CACNA1B: variants seen among roughly 807,000 people sequenced by gnomAD.
CACNA1B encodes calcium voltage-gated channel subunit alpha1 B, also known as voltage-dependent N-type calcium channel subunit alpha-1B.
Under a neutral mutation model 247.2 loss-of-function variants are expected in CACNA1B, and 70 were observed. That is an observed-to-expected ratio of 0.28 (90% CI 0.23 to 0.35). The LOEUF (loss-of-function observed/expected upper bound fraction) is 0.35, where lower values mean the gene tolerates loss of function less well. Ranked by LOEUF, CACNA1B falls within the 10% of genes least tolerant of loss-of-function variation. The pLI, the probability that CACNA1B is intolerant of heterozygous loss-of-function variation, is 1.00. For synonymous variants in CACNA1B, 1,231 were observed against 1,294.4 expected, an observed-to-expected ratio of 0.95 and a Z score of 1.05; for missense variants, 2,367 against 3,197.4, an observed-to-expected ratio of 0.74 and a Z score of 6.26.
At chr9:138,043,701 G>C (rs1269128925) in intron 20 of CACNA1B, 73 bp from the exon 21 acceptor site, 3 of 1,574,234 alleles carry the variant, frequency 1.9e-6, no homozygotes, top group Non-Finnish European at 2.6e-6. Context: ...GGGCATGGGA[G>C]CTGGGAGGGA....
At chr9:137,978,907 G>A (rs543204130) in intron 12 of CACNA1B, among the ~76,000 whole-genome samples, 1 of 152,308 alleles carries the variant, frequency 6.6e-6, no homozygotes, top group South Asian at 2.1e-4. Context: ...CATCCAGGGT[G>A]CTCTCTGAGA....
intron 37 of CACNA1B, among the ~76,000 whole-genome samples, chr9:138,099,156 CATGGCT>C (rs1319222062): frequency 1.3e-5 from 2 of 152,208 alleles, no homozygotes; most frequent in Non-Finnish European, 2.9e-5. Context: ...TGTGCATGTA[CATGGCT>C]GTGTTGTGTG....
intron 16 of CACNA1B, among the ~76,000 whole-genome samples, chr9:138,008,299 AC>A (rs1958680200): frequency 6.6e-6 from 1 of 152,108 alleles, no homozygotes; most frequent in African/African-American, 2.4e-5. Context: ...GCTGAGTCTG[AC>A]CCTGACACTG....
chr9:138,049,118 G>A, intron 23 of CACNA1B, 91 bp from the exon 24 acceptor site: 1 of 859,960 alleles, frequency 1.2e-6, no homozygotes, highest in Non-Finnish European at 2.0e-6. Context: ...GCCTCCCCAA[G>A]TGCTGAGATT....
chr9:137,997,340 T>C (rs1416033679), intron 15 of CACNA1B, among the ~76,000 whole-genome samples: 7 of 152,008 alleles, frequency 4.6e-5, no homozygotes, highest in Non-Finnish European at 1.0e-4. Context: ...AAAAATGAAA[T>C]AAAAATTGTC....
At chr9:137,972,830 T>C (rs896732954) in intron 11 of CACNA1B, among the ~76,000 whole-genome samples, 5 of 152,174 alleles carry the variant, frequency 3.3e-5, no homozygotes, top group Non-Finnish European at 7.3e-5. Context: ...GAGCTCCGGC[T>C]CAGGCTCCCT....
At chr9:137,965,106 G>T (rs1030502511) in intron 10 of CACNA1B, among the ~76,000 whole-genome samples, 1 of 152,234 alleles carries the variant, frequency 6.6e-6, no homozygotes, top group East Asian at 1.9e-4. Context: ...CCTATTGCTG[G>T]CCTGAATGTG....
chr9:138,015,139 C>T (rs1447565624), intron 18 of CACNA1B, among the ~76,000 whole-genome samples: 3 of 152,142 alleles, frequency 2.0e-5, no homozygotes. Flanking sequence ...TCAACTCAAG[C>T]AGGCTGCAGC....
chr9:137,905,550 T>C (rs1044254051), intron 3 of CACNA1B, among the ~76,000 whole-genome samples: 4 of 152,210 alleles, frequency 2.6e-5, no homozygotes, highest in Non-Finnish European at 5.9e-5. Flanking sequence ...GTATGTTGAA[T>C]AAATTAAAGT....
At chr9:138,028,012 T>TC (rs938687989) in intron 20 of CACNA1B, among the ~76,000 whole-genome samples, 4 of 88,128 alleles carry the variant, frequency 4.5e-5, no homozygotes, top group African/African-American at 1.3e-4. Flanking sequence ...TCATTTCCAC[T>TC]CCCCCCCAAC....
Position 137,973,979 on chromosome 9 carries a change from G to T in CACNA1B, c.1544-1928G>T, listed in dbSNP as rs753812588. ...CTCCCCTCCCAGATCTAGGGTGTGG[G>T]TGCCAGCAGTCCCATCTCTGGGGCC... is the stretch of plus-strand genomic sequence containing the variant. On this transcript the variant is annotated intron_variant, in intron 11 of 46. Transcript: ENST00000371372. The surrounding 1 kb of genome is among the most constrained non-coding windows in gnomAD (Gnocchi z 4.1). 6.6e-6 allele frequency among the ~76,000 whole-genome samples: 1 copy of T among 152,198 alleles called. No individual in the cohort carries two copies. The highest frequency in any genetic ancestry group is 1.5e-5 in the Non-Finnish European group (1 of 68,032).
chr9:138,077,816 G>C (rs566199960), intron 35 of CACNA1B, among the ~76,000 whole-genome samples: 8 of 152,368 alleles, frequency 5.3e-5, no homozygotes, highest in African/African-American at 1.9e-4. Flanking sequence ...GTGTGTCTGG[G>C]AGGAGGTCAG....
intron 34 of CACNA1B, among the ~76,000 whole-genome samples, chr9:138,075,507 A>G (rs1213197355): frequency 6.6e-6 from 1 of 152,236 alleles, no homozygotes; most frequent in Admixed American, 6.5e-5. Flanking sequence ...TGATGATCCC[A>G]CTTGAAAACA....
intron 11 of CACNA1B, among the ~76,000 whole-genome samples, chr9:137,975,438 G>A (rs1307112368): frequency 6.6e-6 from 1 of 152,152 alleles, no homozygotes; most frequent in African/African-American, 2.4e-5. Flanking sequence ...GTGGAAAGGT[G>A]GGAGATTCTG....
rs1353689799 is a variant in CACNA1B, at chr9:138,054,425, A to G, written c.3968+419A>G. Among the ~76,000 whole-genome samples, 1 of 152,206 alleles carries G rather than the reference A, an allele frequency of 6.6e-6. No homozygotes were observed. Among genetic ancestry groups the G allele is most frequent in the Non-Finnish European group, 1.5e-5 (1 of 68,038 alleles). On this transcript the variant is annotated intron_variant, in intron 26 of 46. Transcript: ENST00000371372. The surrounding 1 kb of genome is among the most constrained non-coding windows in gnomAD (Gnocchi z 4.6). ...TGAGGCCTCAGAGCTTCCTGTGCCC[A>G]GCGCTGCCTCCAAAGTAGACAGGAG...
At chr9:137,965,031 G>T (rs990083897) in intron 10 of CACNA1B, among the ~76,000 whole-genome samples, 2 of 152,210 alleles carry the variant, frequency 1.3e-5, no homozygotes, top group Non-Finnish European at 2.9e-5. Flanking sequence ...GCCAGTGAAG[G>T]TCGTGAAACA....
Position 138,078,202 on chromosome 9 carries a change from G to A in CACNA1B, c.5038G>A (p.Gly1680Arg). ...CDEQANATEC[G>R]SDFAYFYFVS... ...TGAGCAGGCCAATGCCACCGAGTGT[G>A]GAAGTGACTTTGCCTACTTCTACTT... is the stretch of plus-strand genomic sequence containing the variant. The change falls in exon 36 of 47, where the codon GGA (glycine) becomes AGA (arginine). Residue 1680 changes from glycine (G) to arginine (R), a missense_variant. By Grantham distance (125) the Gly-to-Arg change is moderately radical. Transcript: ENST00000371372. 6.2e-7 allele frequency: 1 copy of A among 1,613,974 alleles called. No homozygotes were observed. Among genetic ancestry groups the A allele is most frequent in the Non-Finnish European group, 8.5e-7 (1 of 1,179,848 alleles).
intron 21 of CACNA1B, among the ~76,000 whole-genome samples, chr9:138,046,124 C>T (rs1419990295): frequency 6.6e-6 from 1 of 152,210 alleles, no homozygotes; most frequent in African/African-American, 2.4e-5. Flanking sequence ...GAGGCCCCTG[C>T]TTGTTGATTT....
Position 137,957,637 on chromosome 9 carries a change from T to C in CACNA1B, c.1283T>C (p.Leu428Pro), listed in dbSNP as rs780920702. The change falls in exon 10 of 47, where the codon CTG (leucine) becomes CCG (proline). Residue 428 changes from leucine to proline, a missense_variant. This residue lies in a region of CACNA1B where 219 missense variants were observed against 297.6 expected (regional missense o/e 0.74). Coordinates refer to ENST00000371372, the MANE Select transcript of CACNA1B (RefSeq NM_000718.4). This position sits in a 1 kb window ranked among gnomAD's most constrained non-coding sequence, Gnocchi z 4.7. ...GCCACCAAGAAGAGCAGAAATGACC[T>C]GATCCACGCAGAGGAGGGAGAGGAC... ...RAATKKSRND[L>P]IHAEEGEDRF... 5 of 1,603,388 alleles carry C rather than the reference T, an allele frequency of 3.1e-6. No homozygotes were observed. Among genetic ancestry groups the C allele is most frequent in the Non-Finnish European group, 4.3e-6 (5 of 1,175,254 alleles).
Sources: gnomAD v4.1 joint callset for allele counts (sites outside exome capture counted in the v4.1 genomes callset) on GRCh38, gnomAD v4.1.1 for gene constraint, gnomAD v4.1.1 regional missense constraint, Gnocchi (gnomAD v3.1) non-coding constraint, MANE v1.5 for transcripts, NCBI Gene and HGNC (gene_info 2026-07-23, HGNC 2026-07-21) for gene names.